Variants in PRSS36 observed in about 807,000 individuals in gnomAD.
PRSS36 encodes serine protease 36.
Under a neutral mutation model 94.3 loss-of-function variants are expected in PRSS36, and 90 were observed. The ratio of observed to expected loss-of-function variants is 0.95; its 90% CI spans 0.80 to 1.14. PRSS36 has a LOEUF of 1.14. PRSS36 is among the 50% of genes most tolerant of loss of function. The probability of loss-of-function intolerance (pLI) is 0.00; values close to 1 mark genes in which losing one functional copy is unlikely to be tolerated. For synonymous variants in PRSS36, 500 were observed against 489.6 expected (o/e 1.02, Z -0.28); for missense variants, 1,158 against 1,135.0 (o/e 1.02, Z -0.29).
Position 31,149,250 on chromosome 16 carries a change from C to T in PRSS36, c.110-15G>A. Reference sequence around the variant, plus strand: ...GCGCCCGCAGTCTGCAACGGGGAGCCGTGGAAGCCAAAGCTCCCCTCGGGT... The same window carrying T: ...GCGCCCGCAGTCTGCAACGGGGAGCTGTGGAAGCCAAAGCTCCCCTCGGGT... On this transcript the variant is annotated splice_polypyrimidine_tract_variant and intron_variant, in intron 3 of 14. Coordinates refer to ENST00000268281, the MANE Select transcript of PRSS36 (RefSeq NM_173502.5). 2 of 1,541,626 alleles carry T rather than the reference C, an allele frequency of 1.3e-6. No homozygotes were observed. The highest frequency in any genetic ancestry group is 1.8e-6 in the Non-Finnish European group (2 of 1,142,480).
In PRSS36 at chr16:31,140,739, C is replaced by CCTGG; in HGVS notation, c.1919_1920insCCAG (p.Pro641GlnfsTer5). The stretch of plus-strand genomic sequence containing the variant: ...GGCCCAGATACACTTCAATGTAAGG[C>CCTGG]ACTGTTGTAGAGCCTGGCCTGTTGG... On this transcript the variant is annotated frameshift_variant, in exon 13 of 15. Transcript: ENST00000268281. LOFTEE classifies it high-confidence loss of function. 6.2e-7 allele frequency: 1 copy of CCTGG among 1,614,040 alleles called. No individual in the cohort carries two copies. Among genetic ancestry groups the CCTGG allele is most frequent in the Non-Finnish European group, 8.5e-7 (1 of 1,179,968 alleles).
chr16:31,143,404 T>C lies in PRSS36; in HGVS notation c.1038A>G (p.Arg346=). Residue 346 remains arginine, a synonymous_variant, in exon 8 of 15, where the codon AGA becomes AGG. Coordinates refer to ENST00000268281, the MANE Select transcript of PRSS36 (RefSeq NM_173502.5). ...CAGACACCAGCGCCCCATGGCAGGG[T>C]CTGGATCCTGGCACCATCACCTGGG... is the stretch of plus-strand genomic sequence containing the variant. The part of the protein sequence containing the change: ...WEAQVMVPGS[R]PCHGALVSES... 6.2e-7 allele frequency: 1 copy of C among 1,612,942 alleles called. No homozygotes were observed. The highest frequency in any genetic ancestry group is 8.5e-7 in the Non-Finnish European group (1 of 1,179,676).
chr16:31,144,081 C>T (rs949222158), intron 6 of PRSS36, among the ~76,000 whole-genome samples: 3 of 152,238 alleles, frequency 2.0e-5, no homozygotes, highest in African/African-American at 7.2e-5. Context: ...GATAATCCTG[C>T]AGTTGTCATT....
Position 31,147,861 on chromosome 16 carries a change from C to T in PRSS36, c.553+534G>A, listed in dbSNP as rs1164652739. ...CGGATGGGAGGGAGGCACAGACTGG[C>T]ATTTGCTGAATATCTATTATAGGCC... On this transcript the variant is annotated intron_variant, in intron 5 of 14. Transcript: ENST00000268281. 2.6e-5 allele frequency among the ~76,000 whole-genome samples: 4 copies of T among 152,058 alleles called. No individual in the cohort carries two copies. The East Asian group carries it at 5.8e-4, about 22-fold the overall frequency.
intron 6 of PRSS36, among the ~76,000 whole-genome samples, chr16:31,144,314 A>G (rs1276894070): frequency 6.6e-6 from 1 of 152,180 alleles, no homozygotes; most frequent in Non-Finnish European, 1.5e-5. Context: ...AGCTGGGACT[A>G]CAGGTGTACA....
rs372932724 is a variant in PRSS36, at chr16:31,149,129, G to A, written c.216C>T (p.Cys72=). 3.6e-5 allele frequency: 57 copies of A among 1,583,636 alleles called. No individual in the cohort carries two copies. In the African/African-American group the frequency reaches 4.5e-4, roughly 13 times the overall value. The part of the protein sequence containing the change: ...VSLHHGGGHI[C]GGSLIAPSWV... ...AGGAGGGGGCGATGAGGGAGCCCCCGCAGATGTGGCCACCTCCATGGTGCA... is the reference window on the plus strand; with the variant it reads ...AGGAGGGGGCGATGAGGGAGCCCCCACAGATGTGGCCACCTCCATGGTGCA... Residue 72 remains cysteine (C), a synonymous_variant, in exon 4 of 15, where the codon TGC becomes TGT. Transcript: ENST00000268281.
Position 31,139,238 on chromosome 16 carries a change from G to A in PRSS36, c.2468C>T (p.Thr823Ile), listed in dbSNP as rs150721434. Residue 823 changes from threonine to isoleucine, a missense_variant, in exon 15 of 15, where the codon ACT becomes ATT. Coordinates refer to ENST00000268281, the MANE Select transcript of PRSS36 (RefSeq NM_173502.5). The stretch of plus-strand genomic sequence containing the variant: ...TGGGGGGCAGAGATTGCTGCCTCCA[G>A]TGGGCCAGTGTGGGGAGCCACTGGG... Reference protein sequence around the residue: ...LPPSGSPHWPTGGSNLCPPEL... With the variant: ...LPPSGSPHWPIGGSNLCPPEL... The A allele has an allele frequency of 2.5e-6, 4 of 1,613,904 alleles. No individual in the cohort carries two copies. In the African/African-American group the frequency reaches 4.0e-5, roughly 16 times the overall value.
Position 31,141,457 on chromosome 16 carries a change from A to T in PRSS36, c.1901+12T>A. 1 of 1,600,406 alleles carries T rather than the reference A, an allele frequency of 6.2e-7. No individual in the cohort carries two copies. On this transcript the variant is annotated intron_variant, in intron 12 of 14. Transcript: ENST00000268281. ...CCTCCCGTCTCTCGCCTAGGAGACGAGTGAGACCCACCTGAGGACACAGTG... is the reference window on the plus strand; with the variant it reads ...CCTCCCGTCTCTCGCCTAGGAGACGTGTGAGACCCACCTGAGGACACAGTG...
chr16:31,145,869 C>T lies in PRSS36; in HGVS notation c.640G>A (p.Gly214Ser), dbSNP rs149468233. 8.9e-5 allele frequency: 144 copies of T among 1,613,948 alleles called. 1 individual carries two copies. Among genetic ancestry groups the T allele is most frequent in the Admixed American group, 2.0e-4 (12 of 60,002 alleles). Reference protein sequence around the residue: ...ATCQCLYSQPGPFNLTLQILP... With the variant: ...ATCQCLYSQPSPFNLTLQILP... ...ATCTGGAGAGTGAGGTTGAAGGGAC[C>T]GGGCTGGCTGTAGAGACATTGACAG... Residue 214 changes from glycine to serine, a missense_variant, in exon 6 of 15, where the codon GGT (glycine) becomes AGT (serine). By Grantham distance (56) the Gly-to-Ser change is moderately conservative. Coordinates refer to ENST00000268281, the MANE Select transcript of PRSS36 (RefSeq NM_173502.5).
intron 8 of PRSS36, 27 bp from the exon 9 acceptor site, chr16:31,143,020 G>A: frequency 7.3e-7 from 1 of 1,372,804 alleles, no homozygotes; most frequent in Non-Finnish European, 9.4e-7. Flanking sequence ...GAGGGACGTG[G>A]GCCGGATCCC....
At chr16:31,144,104 T>C (rs2057761076) in intron 6 of PRSS36, among the ~76,000 whole-genome samples, 1 of 152,186 alleles carries the variant, frequency 6.6e-6, no homozygotes, top group South Asian at 2.1e-4. Flanking sequence ...AGCCAAGTGA[T>C]TCTTGTTGTT....
In PRSS36 at chr16:31,149,500, TG is replaced by T. The variant is rs1322102131; in HGVS notation, c.74-3del. ...GTTCTTCCTGGGTAGGACTGAGAGCTGGGAGCCAGAGGGGAAAGAGAGGAGG... is the reference window on the plus strand; with the variant it reads ...GTTCTTCCTGGGTAGGACTGAGAGCTGGAGCCAGAGGGGAAAGAGAGGAGG... On this transcript the variant is annotated splice_polypyrimidine_tract_variant and splice_region_variant and intron_variant, in intron 2 of 14. Transcript: ENST00000268281. The T allele has an allele frequency of 3.1e-6, 5 of 1,614,134 alleles. No individual in the cohort carries two copies. In the African/African-American group the frequency reaches 5.3e-5, roughly 17 times the overall value.
chr16:31,140,819 G>T, intron 12 of PRSS36, 62 bp from the exon 13 acceptor site: 1 of 1,570,350 alleles, frequency 6.4e-7, no homozygotes, highest in Non-Finnish European at 8.7e-7. Context: ...GTCCTTCCCA[G>T]CCCAGGGGAA....
intron 13 of PRSS36, 23 bp from the exon 14 acceptor site, chr16:31,140,438 T>A (rs1449519517): frequency 6.2e-7 from 1 of 1,610,628 alleles, no homozygotes; most frequent in South Asian, 1.1e-5. Context: ...GACAAAGTTG[T>A]TCCAGGGCTC....
intron 3 of PRSS36, 50 bp from the exon 4 acceptor site, chr16:31,149,285 C>T (rs1369709079): frequency 1.3e-6 from 2 of 1,520,744 alleles, no homozygotes; most frequent in South Asian, 2.5e-5. Context: ...TTCCCCACTC[C>T]AGAAGCCCAG....
chr16:31,139,542 C>T, intron 14 of PRSS36, 126 bp from the exon 15 acceptor site: 2 of 1,171,180 alleles, frequency 1.7e-6, no homozygotes, highest in Non-Finnish European at 2.4e-6. Context: ...CCTGGTTTCT[C>T]TCCCGGGTCC....
rs1191160825 is a variant in PRSS36 at position 31,145,948 on chromosome 16, C to A, written c.561G>T (p.Leu187=). ...CTTCCTGTAGCACCCAGGGGAGAGGCAGAGGATCTGGAGGCAGAACCAGAG... is the reference window on the plus strand; with the variant it reads ...CTTCCTGTAGCACCCAGGGGAGAGGAAGAGGATCTGGAGGCAGAACCAGAG... The part of the protein sequence containing the change: ...GWGDVQEADP[L]PLPWVLQEVE... The change falls in exon 6 of 15, where the codon CTG becomes CTT. Residue 187 remains leucine, a synonymous_variant. Transcript: ENST00000268281. 6.2e-7 allele frequency: 1 copy of A among 1,611,546 alleles called. No homozygotes were observed. Among genetic ancestry groups the A allele is most frequent in the African/African-American group, 1.3e-5 (1 of 74,982 alleles).
chr16:31,140,348 C>T lies in PRSS36; in HGVS notation c.2235G>A (p.Leu745=). Residue 745 remains leucine, a synonymous_variant, in exon 14 of 15, where the codon CTG becomes CTA. Coordinates refer to ENST00000268281, the MANE Select transcript of PRSS36 (RefSeq NM_173502.5). ...RICDCLYQGI[L]PPGTLCVLYA... ...ACAGGACACAGAGGGTTCCAGGGGG[C>T]AGGATGCCCTGATAGAGGCAGTCAC... The T allele has an allele frequency of 6.2e-7, 1 of 1,614,038 alleles. No homozygotes were observed. The highest frequency in any genetic ancestry group is 8.5e-7 in the Non-Finnish European group (1 of 1,179,990).
intron 5 of PRSS36, among the ~76,000 whole-genome samples, chr16:31,147,138 C>T (rs953607294): frequency 6.6e-5 from 10 of 152,056 alleles, no homozygotes; most frequent in African/African-American, 2.2e-4. Flanking sequence ...TTAAGGTCTT[C>T]ATGGCCGGGC....
Sources: allele counts gnomAD v4.1 joint callset (sites outside exome capture counted in the v4.1 genomes callset), GRCh38; gene constraint gnomAD v4.1.1; transcripts MANE v1.5; gene names NCBI Gene and HGNC (gene_info 2026-07-23, HGNC 2026-07-21).